The following SNX18 variants were observed in gnomAD, a reference collection of about 807,000 sequenced individuals.
SNX18 encodes sorting nexin 18.
Under a neutral mutation model 48.7 loss-of-function variants are expected in SNX18, and 35 were observed. The ratio of observed to expected loss-of-function variants is 0.72; its 90% CI spans 0.55 to 0.95. SNX18 has a LOEUF of 0.95. Ranked by LOEUF, SNX18 falls within the 40% of genes least tolerant of loss-of-function variation. The pLI is 0.00. For synonymous variants in SNX18, 492 were observed against 384.7 expected (o/e 1.28, Z -3.26); for missense variants, 824 against 871.0 (o/e 0.95, Z 0.68).
chr5:54,519,205 C>T lies in SNX18; in HGVS notation c.1253C>T (p.Ala418Val), dbSNP rs1761955882. The T allele has an allele frequency of 1.9e-6, 3 of 1,614,084 alleles. No individual in the cohort carries two copies. The African/African-American group carries it at 4.0e-5, about 22-fold the overall frequency. ...FLTLSTPPAA[A>V]LDLQEVESKI... ...ACCCTTAGCACGCCCCCCGCCGCTG[C>T]CCTTGACCTGCAGGAGGTGGAGAGC... Residue 418 changes from alanine to valine, a missense_variant, in exon 1 of 2, where the codon GCC becomes GTC. By Grantham distance (64) the Ala-to-Val change is moderately conservative. Around this residue, in one of 3 missense-constraint regions of SNX18, gnomAD observed 443 missense variants for 503.6 expected, o/e 0.88. Transcript: ENST00000381410.
chr5:54,519,647 A>G, intron 1 of SNX18, 74 bp downstream of exon 1: 1 of 1,614,182 alleles, frequency 6.2e-7, no homozygotes, highest in Non-Finnish European at 8.5e-7. Flanking sequence ...TGACAGCAGT[A>G]CCACTGTGGG....
At chr5:54,560,174 C>T in the SNX18 span, among the ~76,000 whole-genome samples, 31 of 152,282 alleles carry the variant, frequency 2.0e-4, no homozygotes, top group South Asian at 3.9e-3. Flanking sequence ...GATACATGCA[C>T]GCATATGTTC....
the SNX18 span, among the ~76,000 whole-genome samples, chr5:54,578,104 A>G: frequency 2.0e-5 from 3 of 152,154 alleles, no homozygotes; most frequent in East Asian, 1.9e-4. Context: ...AGGCAAATCA[A>G]TGCACTATCT....
At position 54,518,988 on chromosome 5, in the gene SNX18, G is replaced by A; in HGVS notation, c.1036G>A (p.Glu346Lys). The stretch of plus-strand genomic sequence containing the variant: ...GAAGCAGGCCACCGGCCGCTTCGAG[G>A]AGGACTTCATCTCTAAGCGCAGGAA... ...PEKQATGRFE[E>K]DFISKRRKGL... Residue 346 changes from glutamate to lysine, a missense_variant, in exon 1 of 2, where the codon GAG becomes AAG. Physicochemically the swap from Glu to Lys is moderately conservative, Grantham distance 56. Coordinates refer to ENST00000381410, the MANE Select transcript of SNX18 (RefSeq NM_001102575.2). 6.2e-7 allele frequency: 1 copy of A among 1,613,434 alleles called. No individual in the cohort carries two copies.
the SNX18 span, among the ~76,000 whole-genome samples, chr5:54,580,688 C>T: frequency 6.6e-6 from 1 of 152,236 alleles, no homozygotes; most frequent in African/African-American, 2.4e-5. Flanking sequence ...TTCATTTTCT[C>T]CTGAAAATAT....
At chr5:54,569,254 A>G in the SNX18 span, among the ~76,000 whole-genome samples, 1 of 152,170 alleles carries the variant, frequency 6.6e-6, no homozygotes, top group Non-Finnish European at 1.5e-5. Context: ...GAAGAGCGTT[A>G]ATCACCATTC....
chr5:54,625,575 T>C, the SNX18 span, among the ~76,000 whole-genome samples: 2 of 152,186 alleles, frequency 1.3e-5, no homozygotes, highest in Non-Finnish European at 2.9e-5. Flanking sequence ...ACACTCTTTT[T>C]GTAACCTAAT....
chr5:54,532,929 A>T (rs1318002988), intron 1 of SNX18, among the ~76,000 whole-genome samples: 1 of 152,256 alleles, frequency 6.6e-6, no homozygotes, highest in Non-Finnish European at 1.5e-5. Context: ...TTTGTATTCA[A>T]ACTGAATGTC....
chr5:54,627,288 A>G, the SNX18 span, among the ~76,000 whole-genome samples: 1 of 152,190 alleles, frequency 6.6e-6, no homozygotes, highest in Non-Finnish European at 1.5e-5. Flanking sequence ...GAAAAATATA[A>G]TCGTACTCTT....
At chr5:54,621,078 A>G in the SNX18 span, among the ~76,000 whole-genome samples, 1 of 152,278 alleles carries the variant, frequency 6.6e-6, no homozygotes, top group East Asian at 1.9e-4. Context: ...ATGAGTATGA[A>G]TTAGAGTAGC....
At position 54,536,334 on chromosome 5, in the gene SNX18, A is replaced by C. The variant is rs555183238; in HGVS notation, c.1622-6845A>C. ...CCATGTTGGTGTGCTGCACCCATTAACTAGTCATTTACATTACGTATATCT... is the reference window on the plus strand; with the variant it reads ...CCATGTTGGTGTGCTGCACCCATTACCTAGTCATTTACATTACGTATATCT... On this transcript the variant is annotated intron_variant, in intron 1 of 1. Transcript: ENST00000381410. 1.6e-4 allele frequency among the ~76,000 whole-genome samples: 24 copies of C among 152,086 alleles called. No individual in the cohort carries two copies. The South Asian group carries it at 4.6e-3, about 29-fold the overall frequency.
chr5:54,600,748 G>T, the SNX18 span, among the ~76,000 whole-genome samples: 2 of 152,168 alleles, frequency 1.3e-5, no homozygotes, highest in Non-Finnish European at 2.9e-5. Flanking sequence ...AAGGCCACAT[G>T]TTCTCACTTA....
chr5:54,572,450 G>C, the SNX18 span, among the ~76,000 whole-genome samples: 108 of 152,096 alleles, frequency 7.1e-4, no homozygotes, highest in East Asian at 0.014. Context: ...TGCTGTTTAA[G>C]TTACTCTTGA....
At chr5:54,617,835 T>G in the SNX18 span, among the ~76,000 whole-genome samples, 1 of 152,124 alleles carries the variant, frequency 6.6e-6, no homozygotes, top group African/African-American at 2.4e-5. Flanking sequence ...AGTGCTGGGA[T>G]TACAGGAATT....
chr5:54,588,306 CTTTTTTTTTTTTTTTTTTTTTT>C, the SNX18 span, among the ~76,000 whole-genome samples: 72 of 73,918 alleles, frequency 9.7e-4, no homozygotes, highest in African/African-American at 3.5e-3. Flanking sequence ...TATTTCTATT[CTTTTTTTTTTTTTTTTTTTTTT>C]TTTTTTTTTT....
the SNX18 span, among the ~76,000 whole-genome samples, chr5:54,554,063 C>T: frequency 0.15 from 22,444 of 152,282 alleles, 2,100 homozygotes; most frequent in Middle Eastern, 0.28. Flanking sequence ...GCCTGCTCAC[C>T]AGGGCTCTGC....
chr5:54,640,826 G>C, the SNX18 span, among the ~76,000 whole-genome samples: 1 of 152,054 alleles, frequency 6.6e-6, no homozygotes, highest in South Asian at 2.1e-4. Context: ...TTGGGAGGCC[G>C]AGGTGGGAGA....
At chr5:54,551,425 T>C (rs578058372), downstream of SNX18, among the ~76,000 whole-genome samples, 2 of 152,336 alleles carry the variant, frequency 1.3e-5, no homozygotes, top group East Asian at 3.9e-4. Flanking sequence ...CTAATCCCAG[T>C]GTCTTGTCCC....
the SNX18 span, among the ~76,000 whole-genome samples, chr5:54,556,140 A>T: frequency 9.2e-5 from 14 of 152,292 alleles, no homozygotes; most frequent in African/African-American, 3.4e-4. Flanking sequence ...GGTTGCTTCT[A>T]ATTTTTTATT....
Sources: gnomAD v4.1 joint callset for allele counts (sites outside exome capture counted in the v4.1 genomes callset) on GRCh38, gnomAD v4.1.1 for gene constraint, gnomAD v4.1.1 regional missense constraint, MANE v1.5 for transcripts, NCBI Gene and HGNC (gene_info 2026-07-23, HGNC 2026-07-21) for gene names.